Variants in DNAAF11 observed in about 807,000 individuals in gnomAD.
The protein encoded by DNAAF11 is dynein axonemal assembly factor 11.
A neutral mutation model predicts 60.8 loss-of-function variants in DNAAF11; 45 were observed. The ratio of observed to expected loss-of-function variants is 0.74; its 90% CI spans 0.58 to 0.95. The LOEUF (loss-of-function observed/expected upper bound fraction) is 0.95. Among genes scored for constraint, DNAAF11 ranks in the 40% least tolerant of loss-of-function variants. The pLI is 0.00. For missense variants in DNAAF11, 546 were observed against 546.2 expected, an observed-to-expected ratio of 1.00 and a Z score of 0.00; for synonymous variants, 191 against 183.5, an observed-to-expected ratio of 1.04 and a Z score of -0.33.
Position 132,571,062 on chromosome 8 carries a change from A to G in DNAAF11, c.*1244T>C, listed in dbSNP as rs1205313703. Among the ~76,000 whole-genome samples, 4 of 152,058 alleles carry G rather than the reference A, an allele frequency of 2.6e-5. No homozygotes were observed. Among genetic ancestry groups the G allele is most frequent in the Non-Finnish European group, 5.9e-5 (4 of 68,024 alleles). On this transcript the variant is annotated 3_prime_UTR_variant, in exon 12 of 12. Coordinates refer to ENST00000620350, the MANE Select transcript of DNAAF11 (RefSeq NM_012472.6). ...TTCCTATAACCAGTCCCTCATTCTC[A>G]TCATATTTTTTTCTAACTGATGCAT...
the DNAAF11 span, among the ~76,000 whole-genome samples, chr8:132,685,497 C>T: frequency 6.6e-6 from 1 of 152,128 alleles, no homozygotes; most frequent in African/African-American, 2.4e-5. Flanking sequence ...CACTGTCAGT[C>T]GTCTTCTTTG....
the DNAAF11 span, among the ~76,000 whole-genome samples, chr8:132,691,181 TTATTTA>T: frequency 2.0e-5 from 3 of 152,206 alleles, no homozygotes; most frequent in African/African-American, 7.2e-5. Context: ...ATTTCATTAC[TTATTTA>T]TATCAGTATA....
intron 9 of DNAAF11, 127 bp from the exon 10 acceptor site, chr8:132,610,388 A>G (rs1214892170): frequency 3.2e-6 from 2 of 625,668 alleles, no homozygotes; most frequent in African/African-American, 3.7e-5. Flanking sequence ...TAAGCTTATT[A>G]AAAATATTGA....
rs1165025400 is a variant in DNAAF11, at chr8:132,618,061, A to G, written c.915-2964T>C. 2.0e-5 allele frequency among the ~76,000 whole-genome samples: 3 copies of G among 151,136 alleles called. No individual in the cohort carries two copies. The East Asian group carries it at 5.9e-4, about 30-fold the overall frequency. On this transcript the variant is annotated intron_variant, in intron 7 of 11. Transcript: ENST00000620350. The stretch of plus-strand genomic sequence containing the variant: ...ACTTCAAACTACACTACAAGGCTAC[A>G]GTAACCAAAACAGCATGGTACTGGT...
upstream of DNAAF11, among the ~76,000 whole-genome samples, chr8:132,678,632 G>T (rs556942076): frequency 1.3e-5 from 2 of 151,882 alleles, no homozygotes; most frequent in African/African-American, 4.8e-5. Flanking sequence ...AGATCCTCCC[G>T]CCTGGGCATC....
chr8:132,639,509 A>C (rs1821648340), intron 3 of DNAAF11, among the ~76,000 whole-genome samples: 1 of 152,150 alleles, frequency 6.6e-6, no homozygotes, highest in African/African-American at 2.4e-5. Context: ...GATTAACGTC[A>C]CCAATATGAA....
the DNAAF11 span, among the ~76,000 whole-genome samples, chr8:132,689,032 C>A: frequency 6.6e-6 from 1 of 152,118 alleles, no homozygotes; most frequent in Non-Finnish European, 1.5e-5. Flanking sequence ...GAATCTGTCT[C>A]AGAAATTGTT....
At chr8:132,681,318 CT>C in the DNAAF11 span, among the ~76,000 whole-genome samples, 346 of 129,030 alleles carry the variant, frequency 2.7e-3, 2 homozygotes, top group Middle Eastern at 3.8e-3. Context: ...CCAACCATTC[CT>C]TTTTTTTTTT....
intron 1 of DNAAF11, among the ~76,000 whole-genome samples, chr8:132,671,301 T>A (rs1825168194): frequency 6.6e-6 from 1 of 152,192 alleles, no homozygotes; most frequent in African/African-American, 2.4e-5. Context: ...ATCAAAAATA[T>A]GAAGTACTTA....
At position 132,572,449 on chromosome 8, in the gene DNAAF11, G is replaced by C. The variant is rs1554667007; in HGVS notation, c.1258C>G (p.Pro420Ala). Residue 420 changes from proline to alanine, a missense_variant, in exon 12 of 12, where the codon CCT becomes GCT. Pro to Ala is a conservative substitution (Grantham distance 27). Coordinates refer to ENST00000620350, the MANE Select transcript of DNAAF11 (RefSeq NM_012472.6). ...SKHMEKLEVD[P>A]SKHSFPDVTN... ...ACATCAGGGAATGAGTGCTTGCTAGGGTCTACTTCTAGTTTCTCCATGTGC... is the reference window on the plus strand; with the variant it reads ...ACATCAGGGAATGAGTGCTTGCTAGCGTCTACTTCTAGTTTCTCCATGTGC... 6.2e-7 allele frequency: 1 copy of C among 1,605,470 alleles called. No individual in the cohort carries two copies. The highest frequency in any genetic ancestry group is 8.5e-7 in the Non-Finnish European group (1 of 1,175,936).
At chr8:132,607,966 A>G (rs149522665) in intron 10 of DNAAF11, among the ~76,000 whole-genome samples, 2,166 of 152,340 alleles carry the variant, frequency 0.014, 26 homozygotes, top group Non-Finnish European at 0.022. Flanking sequence ...CAGTAAGTTC[A>G]TAAGTCCAGA....
chr8:132,615,175 G>C, intron 7 of DNAAF11, 78 bp from the exon 8 acceptor site: 2 of 797,638 alleles, frequency 2.5e-6, no homozygotes, highest in Middle Eastern at 2.4e-4. Flanking sequence ...AAATTCATAA[G>C]CAGATTAGAT....
intron 3 of DNAAF11, among the ~76,000 whole-genome samples, chr8:132,641,557 AG>A (rs1402051396): frequency 6.6e-6 from 1 of 152,150 alleles, no homozygotes; most frequent in Non-Finnish European, 1.5e-5. Flanking sequence ...GAAGGAGAAA[AG>A]AAAGAATGAG....
At chr8:132,688,502 A>G in the DNAAF11 span, among the ~76,000 whole-genome samples, 1 of 152,196 alleles carries the variant, frequency 6.6e-6, no homozygotes. Flanking sequence ...CTTTAATGAC[A>G]GTATTTGGTT....
chr8:132,570,596 C>T lies in DNAAF11; in HGVS notation c.*1710G>A, dbSNP rs540553887. Among the ~76,000 whole-genome samples, 1 of 152,262 alleles carries T rather than the reference C, an allele frequency of 6.6e-6. No homozygotes were observed. The highest frequency in any genetic ancestry group is 2.4e-5 in the African/African-American group (1 of 41,550). On this transcript the variant is annotated 3_prime_UTR_variant, in exon 12 of 12. Transcript: ENST00000620350. Reference sequence around the variant, plus strand: ...GTTGGCTAAGGCTGGGAGCTGTTTTCCAGAATTTCCTTCCCTACGTGGTTC... The same window carrying T: ...GTTGGCTAAGGCTGGGAGCTGTTTTTCAGAATTTCCTTCCCTACGTGGTTC...
At chr8:132,627,096 C>T (rs946286228) in intron 5 of DNAAF11, among the ~76,000 whole-genome samples, 5 of 152,062 alleles carry the variant, frequency 3.3e-5, no homozygotes, top group African/African-American at 7.2e-5. Context: ...AATTGCTTTG[C>T]TATACAGCTA....
chr8:132,581,685 A>G (rs1223299803), intron 11 of DNAAF11, among the ~76,000 whole-genome samples: 1 of 146,530 alleles, frequency 6.8e-6, no homozygotes, highest in Non-Finnish European at 1.5e-5. Context: ...AAAAAAAAAG[A>G]AGAAGAAGAA....
At chr8:132,642,167 G>A (rs184345045) in intron 3 of DNAAF11, among the ~76,000 whole-genome samples, 2 of 152,302 alleles carry the variant, frequency 1.3e-5, no homozygotes, top group African/African-American at 4.8e-5. Flanking sequence ...CTCAAATGTT[G>A]TAAGTATGCT....
intron 2 of DNAAF11, among the ~76,000 whole-genome samples, chr8:132,657,970 T>C (rs747826519): frequency 5.9e-5 from 9 of 152,194 alleles, no homozygotes; most frequent in African/African-American, 1.9e-4. Context: ...ATGACAGGAA[T>C]GTAGAAAACT....
Sources: gnomAD v4.1 joint callset for allele counts (sites outside exome capture counted in the v4.1 genomes callset) on GRCh38, gnomAD v4.1.1 for gene constraint, MANE v1.5 for transcripts, NCBI Gene and HGNC (gene_info 2026-07-23, HGNC 2026-07-21) for gene names.